The following CHSY1 variants were observed in gnomAD, a reference collection of about 807,000 sequenced individuals.
The protein encoded by CHSY1 is chondroitin sulfate synthase 1.
Under a neutral mutation model 59.8 loss-of-function variants are expected in CHSY1, and 13 were observed. The ratio of observed to expected loss-of-function variants is 0.22; its 90% CI spans 0.14 to 0.35. The LOEUF (loss-of-function observed/expected upper bound fraction) is 0.35. Among genes scored for constraint, CHSY1 ranks in the 10% least tolerant of loss-of-function variants. CHSY1 has a pLI of 1.00. For missense variants in CHSY1, 947 were observed against 1,030.6 expected, an observed-to-expected ratio of 0.92 and a Z score of 1.11; for synonymous variants, 459 against 401.2, an observed-to-expected ratio of 1.14 and a Z score of -1.72.
At chr15:101,249,749 AG>A (rs879428122) in intron 1 of CHSY1, among the ~76,000 whole-genome samples, 24 of 152,002 alleles carry the variant, frequency 1.6e-4, no homozygotes, top group Non-Finnish European at 2.9e-4. Flanking sequence ...TCCTGACCTC[AG>A]GCGATCCGCC....
At chr15:101,208,752 C>G (rs1045953679) in intron 2 of CHSY1, among the ~76,000 whole-genome samples, 1 of 147,292 alleles carries the variant, frequency 6.8e-6, no homozygotes, top group African/African-American at 2.5e-5. Context: ...CTGCAACAAA[C>G]AGCAGCCACT....
At position 101,249,307 on chromosome 15, in the gene CHSY1, G is replaced by A. The variant is rs144619565; in HGVS notation, c.320+1830C>T. ...GTCTATCACCACACTAGAGTCATGCGGATTTACTTTCAAAACCATGCTGTA... is the reference window on the plus strand; with the variant it reads ...GTCTATCACCACACTAGAGTCATGCAGATTTACTTTCAAAACCATGCTGTA... On this transcript the variant is annotated intron_variant, in intron 1 of 2. Transcript: ENST00000254190. 3.2e-3 allele frequency among the ~76,000 whole-genome samples: 482 copies of A among 151,348 alleles called. 1 individual carries two copies. Among genetic ancestry groups the A allele is most frequent in the African/African-American group, 0.011 (451 of 41,222 alleles).
At position 101,223,530 on chromosome 15, in the gene CHSY1, T is replaced by G. The variant is rs114351220; in HGVS notation, c.816+11552A>C. ...TTTCATCATCTCATCTACTACAGAG[T>G]ACTTCCACACTGGGACTCAGGCCTC... On this transcript the variant is annotated intron_variant, in intron 2 of 2. Coordinates refer to ENST00000254190, the MANE Select transcript of CHSY1 (RefSeq NM_014918.5). 1.4e-3 allele frequency among the ~76,000 whole-genome samples: 213 copies of G among 150,152 alleles called. 5 individuals carry two copies. The highest frequency in any genetic ancestry group is 4.2e-3 in the African/African-American group (167 of 40,102).
chr15:101,223,379 C>G (rs2038809844), intron 2 of CHSY1, among the ~76,000 whole-genome samples: 1 of 152,252 alleles, frequency 6.6e-6, no homozygotes, highest in South Asian at 2.1e-4. Flanking sequence ...CTTAAGAAGG[C>G]TTATAACCAG....
chr15:101,213,100 A>G (rs1189465301), intron 2 of CHSY1, among the ~76,000 whole-genome samples: 2 of 152,232 alleles, frequency 1.3e-5, no homozygotes, highest in African/African-American at 4.8e-5. Context: ...GAAAAGAGGA[A>G]GAAATCCAGA....
rs935029395 is a variant in CHSY1 at position 101,176,976 on chromosome 15, A to AC, written c.*411_*412insG. ...GCTTTAAAACAATTGTAAAAAAAAAAAACAAAACACAAAAGGTAGAATCTG... is the reference window on the plus strand; with the variant it reads ...GCTTTAAAACAATTGTAAAAAAAAAACAACAAAACACAAAAGGTAGAATCTG... On this transcript the variant is annotated 3_prime_UTR_variant, in exon 3 of 3. Transcript: ENST00000254190. The AC allele has an allele frequency of 4.9e-5, 8 of 163,972 alleles. No homozygotes were observed. Among genetic ancestry groups the AC allele is most frequent in the Non-Finnish European group, 9.2e-5 (7 of 75,718 alleles). The allele number at this position is 163,972 out of a possible 1,614,324, so 10.2% of individuals were successfully genotyped here. A position where few individuals can be genotyped will look rare whatever the true frequency, so the allele number is the denominator to read the frequency against.
intron 2 of CHSY1, among the ~76,000 whole-genome samples, chr15:101,205,915 A>T (rs138171131): frequency 6.6e-6 from 1 of 151,902 alleles, no homozygotes; most frequent in African/African-American, 2.4e-5. Flanking sequence ...TAGCGCCACT[A>T]CACTCCAGCC....
At chr15:101,208,473 G>C (rs1343797064) in intron 2 of CHSY1, among the ~76,000 whole-genome samples, 2 of 152,168 alleles carry the variant, frequency 1.3e-5, no homozygotes, top group Admixed American at 1.3e-4. Flanking sequence ...AGCACTTTGG[G>C]AACCCAAGGC....
At position 101,251,038 on chromosome 15, in the gene CHSY1, C is replaced by T. The variant is rs2039103707; in HGVS notation, c.320+99G>A. The T allele has an allele frequency of 1.1e-5, 13 of 1,175,002 alleles. No individual in the cohort carries two copies. The South Asian group carries it at 1.6e-4, about 14-fold the overall frequency. The allele number at this position is 1,175,002 out of a possible 1,614,324, so 72.8% of individuals were successfully genotyped here. The stretch of plus-strand genomic sequence containing the variant: ...GATCCCGCCGGAAGCCCAAGAAGGG[C>T]CTAGGAAGCGGGCGGAGGCGAGAGC... On this transcript the variant is annotated intron_variant, in intron 1 of 2. Transcript: ENST00000254190.
intron 2 of CHSY1, among the ~76,000 whole-genome samples, chr15:101,182,511 T>C (rs1193547447): frequency 6.6e-6 from 1 of 152,238 alleles, no homozygotes; most frequent in Admixed American, 6.5e-5. Context: ...ACTTCCTTGA[T>C]AAATACATAA....
At chr15:101,185,070 C>T (rs923741446) in intron 2 of CHSY1, among the ~76,000 whole-genome samples, 16 of 152,194 alleles carry the variant, frequency 1.1e-4, no homozygotes, top group Admixed American at 7.2e-4. Flanking sequence ...AAATGGGCTT[C>T]GGGTGGTGCC....
At chr15:101,180,761 A>G (rs890089772) in intron 2 of CHSY1, among the ~76,000 whole-genome samples, 4 of 152,204 alleles carry the variant, frequency 2.6e-5, no homozygotes, top group Non-Finnish European at 5.9e-5. Flanking sequence ...ACATGAAGAT[A>G]AAGGCCCTGC....
At chr15:101,222,115 T>C (rs140805797) in intron 2 of CHSY1, among the ~76,000 whole-genome samples, 4 of 152,344 alleles carry the variant, frequency 2.6e-5, no homozygotes, top group African/African-American at 7.2e-5. Context: ...TTGTAAGGGT[T>C]AGAAGTCTAC....
At chr15:101,227,420 T>C (rs1378586266) in intron 2 of CHSY1, among the ~76,000 whole-genome samples, 5 of 152,276 alleles carry the variant, frequency 3.3e-5, no homozygotes, top group Admixed American at 2.0e-4. Context: ...CAGGCAATTG[T>C]TGAATGCAGC....
At chr15:101,188,287 T>G in intron 2 of CHSY1, 1 of 684,178 alleles carries the variant, frequency 1.5e-6, no homozygotes, top group Non-Finnish European at 1.8e-6. Flanking sequence ...TGGTAGCCAG[T>G]CACGAGTTTT....
intron 2 of CHSY1, among the ~76,000 whole-genome samples, chr15:101,205,991 C>A (rs1468381477): frequency 1.3e-5 from 2 of 152,092 alleles, no homozygotes; most frequent in African/African-American, 4.8e-5. Context: ...TTTGCTCTAC[C>A]CCATGATCCT....
chr15:101,237,570 T>G (rs952978812), intron 1 of CHSY1, among the ~76,000 whole-genome samples: 6 of 152,154 alleles, frequency 3.9e-5, no homozygotes, highest in African/African-American at 1.4e-4. Context: ...AGAGGGAAGA[T>G]GAGTGGTCAA....
intron 2 of CHSY1, among the ~76,000 whole-genome samples, chr15:101,221,091 G>A (rs764023223): frequency 6.6e-6 from 1 of 152,180 alleles, no homozygotes; most frequent in Admixed American, 6.5e-5. Context: ...CATCCCCATA[G>A]AGAAACAAAT....
chr15:101,224,720 C>G (rs1206078339), intron 2 of CHSY1, among the ~76,000 whole-genome samples: 1 of 152,284 alleles, frequency 6.6e-6, no homozygotes, highest in Non-Finnish European at 1.5e-5. Context: ...TCCACACACA[C>G]GCTTACACTT....
Sources: gnomAD v4.1 joint callset for allele counts (sites outside exome capture counted in the v4.1 genomes callset) on GRCh38, gnomAD v4.1.1 for gene constraint, MANE v1.5 for transcripts, NCBI Gene and HGNC (gene_info 2026-07-23, HGNC 2026-07-21) for gene names.